WDR20: variants seen among roughly 807,000 people sequenced by gnomAD.
WDR20 encodes WD repeat-containing protein 20.
A neutral mutation model predicts 38.7 loss-of-function variants in WDR20; 3 were observed. The observed-to-expected ratio is 0.08, with a 90% CI of 0.04 to 0.20. The LOEUF (loss-of-function observed/expected upper bound fraction) is 0.20, where lower values mean the gene tolerates loss of function less well. Among genes scored for constraint, WDR20 ranks in the 10% least tolerant of loss-of-function variants. The pLI is 1.00. For synonymous variants in WDR20, 298 were observed against 285.6 expected (o/e 1.04, Z -0.44); for missense variants, 559 against 727.7 (o/e 0.77, Z 2.67).
intron 1 of WDR20, among the ~76,000 whole-genome samples, chr14:102,162,585 CTTTCTTTCTT>C (rs1566863561): frequency 1.3e-5 from 2 of 149,964 alleles, no homozygotes; most frequent in African/African-American, 2.5e-5. Flanking sequence ...CTCTCTCTCT[CTTTCTTTCTT>C]TTTCTTTCTT....
intron 1 of WDR20, among the ~76,000 whole-genome samples, chr14:102,148,667 CTTTGTGTGTG>C (rs2054554887): frequency 1.1e-5 from 1 of 94,874 alleles, no homozygotes; most frequent in Non-Finnish European, 2.1e-5. Context: ...AAGAGTTTGG[CTTTGTGTGTG>C]TGTGTGTGTG....
chr14:102,186,541 A>C (rs1021894037), intron 1 of WDR20, among the ~76,000 whole-genome samples: 1 of 151,720 alleles, frequency 6.6e-6, no homozygotes, highest in Non-Finnish European at 1.5e-5. Context: ...TCCCCCCACA[A>C]CACCCCCCTC....
intron 1 of WDR20, among the ~76,000 whole-genome samples, chr14:102,191,757 G>C (rs1392613174): frequency 6.6e-6 from 1 of 152,202 alleles, no homozygotes; most frequent in African/African-American, 2.4e-5. Context: ...AGGGATTGGG[G>C]AGGGAGGAGT....
chr14:102,157,932 A>C (rs1595983607), intron 1 of WDR20, among the ~76,000 whole-genome samples: 1 of 151,930 alleles, frequency 6.6e-6, no homozygotes, highest in Non-Finnish European at 1.5e-5. Flanking sequence ...AAAGTAATGT[A>C]CTACATTAGT....
intron 1 of WDR20, among the ~76,000 whole-genome samples, chr14:102,186,548 C>T (rs968090146): frequency 6.6e-6 from 1 of 152,064 alleles, no homozygotes; most frequent in African/African-American, 2.4e-5. Flanking sequence ...ACAACACCCC[C>T]CTCCGGTTTC....
intron 1 of WDR20, among the ~76,000 whole-genome samples, chr14:102,145,542 G>A (rs766958706): frequency 1.9e-4 from 29 of 152,218 alleles, no homozygotes; most frequent in Non-Finnish European, 2.6e-4. Context: ...AGGATTGCAG[G>A]GGTCCAGCCT....
At chr14:102,155,969 C>T (rs1418378158) in intron 1 of WDR20, among the ~76,000 whole-genome samples, 2 of 143,650 alleles carry the variant, frequency 1.4e-5, no homozygotes, top group African/African-American at 5.2e-5. Context: ...GAGACAAAGT[C>T]TCACTATATT....
At chr14:102,214,502 A>AT, downstream of WDR20, 1 of 985,360 alleles carries the variant, frequency 1.0e-6, no homozygotes, top group Non-Finnish European at 1.2e-6. Flanking sequence ...ACTGATGTTG[A>AT]TTTCTTTATT....
rs370172344 is a variant in WDR20, at chr14:102,222,937, G to A, written c.*54G>A. ...CGGGACTTGGACTCGAGGGAGTGAC[G>A]AGGAGGAGCTCCGAGCTGCGCCTGA... On this transcript the variant is annotated 3_prime_UTR_variant, in exon 4 of 4. Transcript: ENST00000335263. The surrounding 1 kb of genome is among the most constrained non-coding windows in gnomAD (Gnocchi z 4.4). The A allele has an allele frequency of 3.1e-6, 5 of 1,604,988 alleles. No homozygotes were observed. The highest frequency in any genetic ancestry group is 2.7e-5 in the African/African-American group (2 of 74,724).
At chr14:102,218,183 T>TAAAG (rs1478676394), downstream of WDR20, among the ~76,000 whole-genome samples, 28 of 152,314 alleles carry the variant, frequency 1.8e-4, no homozygotes, top group African/African-American at 6.3e-4. Context: ...CGTCTTACTT[T>TAAAG]TGTTTGGGTT....
rs1037537050 is a variant in WDR20, at chr14:102,193,718, C to T, written c.250-1220C>T. ...AAGTCCAACATTAGAATACTTGGTTCGATGTCACAGGCCTCTTTGGAAGAA... is the reference window on the plus strand; with the variant it reads ...AAGTCCAACATTAGAATACTTGGTTTGATGTCACAGGCCTCTTTGGAAGAA... On this transcript the variant is annotated intron_variant, in intron 1 of 2. Coordinates refer to ENST00000342702, the MANE Select transcript of WDR20 (RefSeq NM_144574.4). Among the ~76,000 whole-genome samples the T allele has an allele frequency of 8.5e-5, 13 of 152,276 alleles. No homozygotes were observed. The East Asian group carries it at 2.3e-3, about 27-fold the overall frequency.
chr14:102,141,270 A>G (rs561346492), intron 1 of WDR20, among the ~76,000 whole-genome samples: 1 of 152,220 alleles, frequency 6.6e-6, no homozygotes, highest in Non-Finnish European at 1.5e-5. Flanking sequence ...TAAATTGTTC[A>G]TATTGAAGAG....
chr14:102,139,999 C>T lies in WDR20; in HGVS notation c.76C>T (p.Leu26=), dbSNP rs745875623. Residue 26 remains leucine, a synonymous_variant, in exon 1 of 3, where the codon CTG becomes TTG. Transcript: ENST00000342702. ...QFTTREGLYK[L]LPHSEYSRPN... Reference sequence around the variant, plus strand: ...CACCACCCGGGAAGGTCTGTACAAGCTGCTGCCGCACTCGGAGTACAGCCG... The same window carrying T: ...CACCACCCGGGAAGGTCTGTACAAGTTGCTGCCGCACTCGGAGTACAGCCG... The T allele has an allele frequency of 9.3e-6, 15 of 1,614,138 alleles. No homozygotes were observed. Among genetic ancestry groups the T allele is most frequent in the Non-Finnish European group, 8.5e-7 (1 of 1,180,050 alleles).
intron 1 of WDR20, among the ~76,000 whole-genome samples, chr14:102,188,872 C>CA (rs34508888): frequency 0.32 from 30,625 of 97,076 alleles, 5,340 homozygotes; most frequent in Non-Finnish European, 0.42. Flanking sequence ...GACCCTGTTT[C>CA]AAAAAAAAAA....
chr14:102,140,677 A>G (rs2050667694), intron 1 of WDR20, among the ~76,000 whole-genome samples: 1 of 152,154 alleles, frequency 6.6e-6, no homozygotes, highest in African/African-American at 2.4e-5. Context: ...CCTGCTCGGC[A>G]CGCAGGGCTA....
intron 2 of WDR20, among the ~76,000 whole-genome samples, chr14:102,202,825 C>T (rs913728514): frequency 6.6e-6 from 1 of 152,170 alleles, no homozygotes; most frequent in Non-Finnish European, 1.5e-5. Flanking sequence ...CTCACTGCAG[C>T]CTTGACCTGG....
At chr14:102,213,252 C>G (rs958445689), downstream of WDR20, 5 of 985,338 alleles carry the variant, frequency 5.1e-6, no homozygotes, top group Non-Finnish European at 6.0e-6. Flanking sequence ...TAAAAATTCC[C>G]CCAGCGGCCT....
chr14:102,140,294 G>C, intron 1 of WDR20, 122 bp downstream of exon 1: 2 of 1,451,840 alleles, frequency 1.4e-6, no homozygotes, highest in South Asian at 1.3e-5. Context: ...TGAGTGGGCC[G>C]GTAACTCCAC....
At chr14:102,162,039 C>T (rs571543415) in intron 1 of WDR20, among the ~76,000 whole-genome samples, 1 of 152,248 alleles carries the variant, frequency 6.6e-6, no homozygotes, top group South Asian at 2.1e-4. Flanking sequence ...AACTTGATTG[C>T]TCTGGAGACT....
Sources: allele counts gnomAD v4.1 joint callset (sites outside exome capture counted in the v4.1 genomes callset), GRCh38; gene constraint gnomAD v4.1.1; non-coding constraint Gnocchi (gnomAD v3.1); transcripts MANE v1.5; gene names NCBI Gene and HGNC (gene_info 2026-07-23, HGNC 2026-07-21).